The following FANCL variants were observed in gnomAD, a reference collection of about 807,000 sequenced individuals.
FANCL encodes the protein E3 ubiquitin-protein ligase FANCL.
A neutral mutation model predicts 59.4 loss-of-function variants in FANCL; 69 were observed. That is an observed-to-expected ratio of 1.16 (90% CI 0.96 to 1.42). The LOEUF (loss-of-function observed/expected upper bound fraction) is 1.42, where lower values mean the gene tolerates loss of function less well. Ranked by LOEUF, FANCL falls within the 40% of genes most tolerant of loss-of-function variation. The pLI is 0.00. For missense variants in FANCL, 519 were observed against 447.2 expected, an observed-to-expected ratio of 1.16 and a Z score of -1.45; for synonymous variants, 180 against 147.1, an observed-to-expected ratio of 1.22 and a Z score of -1.62.
intron 5 of FANCL, 110 bp downstream of exon 5, chr2:58,221,832 A>T: frequency 1.4e-6 from 1 of 737,310 alleles, no homozygotes; most frequent in Non-Finnish European, 2.3e-6. Context: ...TACTCTAGTT[A>T]CAATTAAACA....
At chr2:58,194,600 G>A (rs1464774520) in intron 7 of FANCL, among the ~76,000 whole-genome samples, 1 of 152,066 alleles carries the variant, frequency 6.6e-6, no homozygotes, top group African/African-American at 2.4e-5. Context: ...AATAGTAGCA[G>A]CAGCCTTGCC....
At chr2:58,212,788 G>A (rs1573734319) in intron 5 of FANCL, among the ~76,000 whole-genome samples, 1 of 151,864 alleles carries the variant, frequency 6.6e-6, no homozygotes, top group Non-Finnish European at 1.5e-5. Flanking sequence ...CCATCTTCAC[G>A]TTAACCTTTG....
chr2:58,185,442 C>CAT (rs1236237784), intron 7 of FANCL, among the ~76,000 whole-genome samples: 3 of 152,146 alleles, frequency 2.0e-5, no homozygotes, highest in Non-Finnish European at 4.4e-5. Flanking sequence ...ACTAGCATAT[C>CAT]TGACATTTAA....
chr2:58,168,843 C>T (rs1388138205), intron 7 of FANCL, among the ~76,000 whole-genome samples: 1 of 152,150 alleles, frequency 6.6e-6, no homozygotes, highest in Non-Finnish European at 1.5e-5. Context: ...GAAGCTGGAA[C>T]TGGGCAGAGC....
chr2:58,168,632 C>G (rs1686207707), intron 7 of FANCL, among the ~76,000 whole-genome samples: 1 of 152,012 alleles, frequency 6.6e-6, no homozygotes, highest in Non-Finnish European at 1.5e-5. Context: ...GAGCTGATGC[C>G]AGGGCGCCAA....
Position 58,163,484 on chromosome 2 carries a change from G to A in FANCL, c.725C>T (p.Pro242Leu), listed in dbSNP as rs894755738. 6.2e-7 allele frequency: 1 copy of A among 1,609,154 alleles called. No individual in the cohort carries two copies. The highest frequency in any genetic ancestry group is 8.5e-7 in the Non-Finnish European group (1 of 1,176,024). The change falls in exon 9 of 14, where the codon CCC (proline) becomes CTC (leucine). Residue 242 changes from proline (P) to leucine (L), a missense_variant. Transcript: ENST00000233741. The part of the protein sequence containing the change: ...NNVSINIEVD[P>L]RHPTMLPECF... ...CTCAGGAAGCATAGTAGGATGCCTG[G>A]GGTCTACCTCTATATTTATGGAAAC...
At chr2:58,165,954 T>C in intron 7 of FANCL, 80 bp from the exon 8 acceptor site, 3 of 1,425,002 alleles carry the variant, frequency 2.1e-6, no homozygotes, top group Non-Finnish European at 2.9e-6. Context: ...ATACACTCAA[T>C]TTAGAAATTT....
At chr2:58,172,688 A>T (rs1304742939) in intron 7 of FANCL, among the ~76,000 whole-genome samples, 2 of 152,214 alleles carry the variant, frequency 1.3e-5, no homozygotes, top group Non-Finnish European at 2.9e-5. Flanking sequence ...AGATGGGGAA[A>T]AAACAGACCA....
chr2:58,201,489 G>C (rs1690021235), intron 6 of FANCL, among the ~76,000 whole-genome samples: 1 of 151,804 alleles, frequency 6.6e-6, no homozygotes, highest in Non-Finnish European at 1.5e-5. Context: ...TCTGTGACTA[G>C]ACTACCTAAG....
chr2:58,215,730 G>A (rs1048542310), intron 5 of FANCL, among the ~76,000 whole-genome samples: 14 of 148,876 alleles, frequency 9.4e-5, no homozygotes, highest in Non-Finnish European at 1.8e-4. Flanking sequence ...CATCATTTCC[G>A]CCAATCTCTT....
At chr2:58,212,203 T>C (rs562000847) in intron 5 of FANCL, among the ~76,000 whole-genome samples, 1 of 152,264 alleles carries the variant, frequency 6.6e-6, no homozygotes, top group East Asian at 1.9e-4. Flanking sequence ...GAGGAGCAAG[T>C]CCCATCTTAC....
At chr2:58,228,145 T>G (rs948207483) in intron 3 of FANCL, among the ~76,000 whole-genome samples, 1 of 152,134 alleles carries the variant, frequency 6.6e-6, no homozygotes, top group Non-Finnish European at 1.5e-5. Flanking sequence ...CTAATCCATA[T>G]TAGTCAAAAT....
At position 58,161,606 on chromosome 2, in the gene FANCL, A is replaced by G. The variant is rs1446870175; in HGVS notation, c.936T>C (p.Ala312=). Residue 312 remains alanine, a synonymous_variant, in exon 12 of 14, where the codon GCT becomes GCC. Coordinates refer to ENST00000233741, the MANE Select transcript of FANCL (RefSeq NM_018062.4). ...CAGGAATGGTACCGTCAAGTTGATA[A>G]GCATAACAAATTCCACAATCCATAG... is the stretch of plus-strand genomic sequence containing the variant. ...DFTMDCGICY[A]YQLDGTIPDQ... 1 of 1,611,552 alleles carries G rather than the reference A, an allele frequency of 6.2e-7. No individual in the cohort carries two copies. The highest frequency in any genetic ancestry group is 1.3e-5 in the African/African-American group (1 of 74,946).
At chr2:58,235,595 G>A (rs1693938884) in intron 1 of FANCL, among the ~76,000 whole-genome samples, 1 of 152,010 alleles carries the variant, frequency 6.6e-6, no homozygotes, top group Admixed American at 6.6e-5. Context: ...GCAACAGGTA[G>A]CATTCATTAT....
Position 58,228,348 on chromosome 2 carries a change from C to T in FANCL, c.216+1466G>A, listed in dbSNP as rs145556232. On this transcript the variant is annotated intron_variant, in intron 3 of 13. Transcript: ENST00000233741. ...ACAATGCATGAACACATATGATTCA[C>T]ATCTTAACATAGCTTTGAGTGGGTC... 1.2e-3 allele frequency among the ~76,000 whole-genome samples: 180 copies of T among 152,314 alleles called. 2 individuals are homozygous for T. The highest frequency in any genetic ancestry group is 8.4e-3 in the Admixed American group (129 of 15,300).
rs1688875540 is a variant in FANCL, at chr2:58,191,077, C to A, written c.540+7517G>T. ...AAACTTATAAACACATACATGCATG[C>A]ATGCACAAGCATATAAACACCCACA... On this transcript the variant is annotated intron_variant, in intron 7 of 13. Transcript: ENST00000233741. Among the ~76,000 whole-genome samples the A allele has an allele frequency of 3.3e-5, 5 of 151,474 alleles. 1 individual carries two copies. The highest frequency in any genetic ancestry group is 3.3e-4 in the Admixed American group (5 of 15,198).
chr2:58,174,700 T>C (rs890595515), intron 7 of FANCL, among the ~76,000 whole-genome samples: 2 of 151,972 alleles, frequency 1.3e-5, no homozygotes, highest in African/African-American at 4.8e-5. Flanking sequence ...AGATCCAAAA[T>C]TGACACCCTG....
At chr2:58,192,269 T>TA (rs1159808916) in intron 7 of FANCL, among the ~76,000 whole-genome samples, 7 of 151,916 alleles carry the variant, frequency 4.6e-5, no homozygotes, top group African/African-American at 9.7e-5. Flanking sequence ...TTTTATAATC[T>TA]TAGAAATCAA....
At chr2:58,162,817 C>T (rs761047182) in intron 11 of FANCL, 49 bp downstream of exon 11, 2 of 1,498,918 alleles carry the variant, frequency 1.3e-6, no homozygotes, top group African/African-American at 1.4e-5. Flanking sequence ...AGCATTTAAA[C>T]TTCATTATGC....
Sources: gnomAD v4.1 joint callset for allele counts (sites outside exome capture counted in the v4.1 genomes callset) on GRCh38, gnomAD v4.1.1 for gene constraint, MANE v1.5 for transcripts, NCBI Gene and HGNC (gene_info 2026-07-23, HGNC 2026-07-21) for gene names.